Variants in CAPN7 observed in about 807,000 individuals in gnomAD.
The protein encoded by CAPN7 is calpain 7, also known as calpain-7.
Under a neutral mutation model 115.2 loss-of-function variants are expected in CAPN7, and 72 were observed. The ratio of observed to expected loss-of-function variants is 0.63; its 90% CI spans 0.52 to 0.76. The LOEUF is 0.76. Ranked by LOEUF, CAPN7 falls within the 30% of genes least tolerant of loss-of-function variation. CAPN7 has a pLI of 0.00. For missense variants in CAPN7, 905 were observed against 971.5 expected, an observed-to-expected ratio of 0.93 and a Z score of 0.91; for synonymous variants, 344 against 322.3, an observed-to-expected ratio of 1.07 and a Z score of -0.72.
At chr3:15,210,907 G>C in intron 1 of CAPN7, 1 of 1,258,026 alleles carries the variant, frequency 7.9e-7, no homozygotes, top group Non-Finnish European at 1.0e-6. Flanking sequence ...TACACGCTTG[G>C]GTTACTGCAG....
At chr3:15,228,479 G>A (rs1303752832) in intron 7 of CAPN7, among the ~76,000 whole-genome samples, 1 of 152,174 alleles carries the variant, frequency 6.6e-6, no homozygotes, top group Non-Finnish European at 1.5e-5. Flanking sequence ...GCCCATCAGT[G>A]ACAGATTGGA....
intron 6 of CAPN7, among the ~76,000 whole-genome samples, chr3:15,226,827 C>A (rs562363942): frequency 6.6e-6 from 1 of 152,042 alleles, no homozygotes; most frequent in South Asian, 2.1e-4. Flanking sequence ...AAAATCCTCT[C>A]TTCTCCCAGT....
rs1424385609 is a variant in CAPN7 at position 15,251,283 on chromosome 3, C to CTT, written c.*26_*27dup. On this transcript the variant is annotated 3_prime_UTR_variant, in exon 21 of 21. Transcript: ENST00000253693. ...TGATGGAGAAATCTCAAGTTACTGG[C>CTT]TTTTATACTTACCAAACATCAGTTC... 1 of 1,553,392 alleles carries CTT rather than the reference C, an allele frequency of 6.4e-7. No homozygotes were observed. The highest frequency in any genetic ancestry group is 1.4e-5 in the African/African-American group (1 of 72,072).
chr3:15,251,036 T>G lies in CAPN7; in HGVS notation c.2297+13T>G, dbSNP rs1378615860. On this transcript the variant is annotated intron_variant, in intron 20 of 20. Transcript: ENST00000253693. ...GTGGTGACTATAGGTAATGTTGGCA[T>G]TTTTATTGTATCTATTTTATACTTT... is the stretch of plus-strand genomic sequence containing the variant. The G allele has an allele frequency of 6.2e-7, 1 of 1,604,468 alleles. No homozygotes were observed. The highest frequency in any genetic ancestry group is 1.1e-5 in the South Asian group (1 of 90,592).
Position 15,227,885 on chromosome 3 carries a change from T to C in CAPN7, c.772T>C (p.Phe258Leu), listed in dbSNP as rs745719251. The change falls in exon 7 of 21, where the codon TTT becomes CTT. Residue 258 changes from phenylalanine (F) to leucine (L), a missense_variant. Physicochemically the swap from Phe to Leu is conservative, Grantham distance 22. This residue lies in a region of CAPN7 where 620 missense variants were observed against 703.4 expected (regional missense o/e 0.88). Transcript: ENST00000253693. ...ATTATCACCTAAACAAAAAACTACA[T>C]TTTCCAAGTGGGTACGACCAGAAGA... ...LPLSPKQKTT[F>L]SKWVRPEDLT... 3.2e-6 allele frequency: 5 copies of C among 1,550,360 alleles called. No homozygotes were observed. Among genetic ancestry groups the C allele is most frequent in the Non-Finnish European group, 4.4e-6 (5 of 1,146,382 alleles).
intron 4 of CAPN7, among the ~76,000 whole-genome samples, chr3:15,220,156 C>T (rs576516561): frequency 2.0e-5 from 3 of 151,860 alleles, no homozygotes; most frequent in Admixed American, 6.6e-5. Flanking sequence ...GCCAAGATTG[C>T]GCCACTACGC....
intron 14 of CAPN7, 43 bp downstream of exon 14, chr3:15,240,896 C>A: frequency 1.7e-6 from 2 of 1,187,420 alleles, no homozygotes; most frequent in Non-Finnish European, 2.5e-6. Context: ...TAATAGCATC[C>A]ACTTTCCTCA....
chr3:15,251,434 A>G lies in CAPN7; in HGVS notation c.*174A>G. The G allele has an allele frequency of 1.9e-6, 1 of 523,444 alleles. No individual in the cohort carries two copies. 32.4% of individuals were successfully genotyped at this position (523,444 alleles called of 1,614,324 possible). A position where few individuals can be genotyped will look rare whatever the true frequency, so the allele number is the denominator to read the frequency against. On this transcript the variant is annotated 3_prime_UTR_variant, in exon 21 of 21. Transcript: ENST00000253693. ...TGTTTGGTAAGAACTGTATATAGTC[A>G]GAATTACCTAAATCACCTAGAGGTA... is the stretch of plus-strand genomic sequence containing the variant.
At chr3:15,243,481 C>T (rs1478139487) in intron 16 of CAPN7, among the ~76,000 whole-genome samples, 2 of 152,062 alleles carry the variant, frequency 1.3e-5, no homozygotes, top group Non-Finnish European at 2.9e-5. Flanking sequence ...CATAAATCAC[C>T]TGTGAAGAGA....
chr3:15,214,983 C>T (rs1270554366), intron 2 of CAPN7, among the ~76,000 whole-genome samples: 1 of 152,220 alleles, frequency 6.6e-6, no homozygotes, highest in African/African-American at 2.4e-5. Flanking sequence ...TCTCCCACAA[C>T]AAAGAATTAT....
At chr3:15,229,116 T>C (rs1164919480) in intron 8 of CAPN7, 57 bp downstream of exon 8, 5 of 1,269,410 alleles carry the variant, frequency 3.9e-6, no homozygotes, top group Non-Finnish European at 5.8e-6. Flanking sequence ...ACTAGAAATT[T>C]AAAACTTAAG....
intron 19 of CAPN7, among the ~76,000 whole-genome samples, chr3:15,249,006 CA>C (rs1460568964): frequency 3.9e-5 from 2 of 50,714 alleles, no homozygotes; most frequent in Non-Finnish European, 7.0e-5. Flanking sequence ...ATACAACAAC[CA>C]AAAAAAAAAA....
intron 12 of CAPN7, among the ~76,000 whole-genome samples, chr3:15,236,560 T>A (rs749519862): frequency 3.9e-5 from 6 of 152,230 alleles, no homozygotes; most frequent in Non-Finnish European, 7.3e-5. Flanking sequence ...TGTTGCTTAA[T>A]GATGAGTGTA....
chr3:15,237,150 T>G (rs1695039275), intron 12 of CAPN7, among the ~76,000 whole-genome samples: 1 of 152,246 alleles, frequency 6.6e-6, no homozygotes, highest in African/African-American at 2.4e-5. Context: ...CTTTAAATTT[T>G]TTTTAACTTT....
chr3:15,248,530 C>G (rs543059678), intron 19 of CAPN7, among the ~76,000 whole-genome samples: 1 of 152,252 alleles, frequency 6.6e-6, no homozygotes, highest in South Asian at 2.1e-4. Context: ...AAAGCTCTGT[C>G]GAGGGACAGG....
intron 6 of CAPN7, among the ~76,000 whole-genome samples, chr3:15,224,062 A>G (rs951796236): frequency 2.0e-5 from 3 of 152,246 alleles, no homozygotes; most frequent in Admixed American, 6.5e-5. Flanking sequence ...GGAAATCAAC[A>G]GTCAAAGATG....
Position 15,240,382 on chromosome 3 carries a change from A to G in CAPN7, c.1408-91A>G, listed in dbSNP as rs187013155. The G allele has an allele frequency of 7.3e-5, 82 of 1,123,128 alleles. No homozygotes were observed. The East Asian group carries it at 8.1e-4, about 11-fold the overall frequency. The allele number at this position is 1,123,128 out of a possible 1,614,324, so 69.6% of individuals were successfully genotyped here. ...AGTTGATTTGAGGGGAAAAGAATTG[A>G]TAAGTACTCAGTTCATCCTCTAATA... is the stretch of plus-strand genomic sequence containing the variant. On this transcript the variant is annotated intron_variant, in intron 12 of 20. Transcript: ENST00000253693.
intron 12 of CAPN7, among the ~76,000 whole-genome samples, chr3:15,236,074 G>A (rs1251461691): frequency 6.6e-6 from 1 of 152,170 alleles, no homozygotes; most frequent in Non-Finnish European, 1.5e-5. Flanking sequence ...AAGAGGCTGA[G>A]GTGGGAAGAT....
intron 12 of CAPN7, among the ~76,000 whole-genome samples, chr3:15,238,043 G>A (rs984015067): frequency 2.7e-5 from 4 of 150,792 alleles, no homozygotes; most frequent in African/African-American, 9.8e-5. Flanking sequence ...AGTTTCCTAG[G>A]TGCATTATTT....
Sources: allele counts gnomAD v4.1 joint callset (sites outside exome capture counted in the v4.1 genomes callset), GRCh38; gene constraint gnomAD v4.1.1; regional missense constraint gnomAD v4.1.1; transcripts MANE v1.5; gene names NCBI Gene and HGNC (gene_info 2026-07-23, HGNC 2026-07-21).